AASDH: variants seen among roughly 807,000 people sequenced by gnomAD.
AASDH encodes aminoadipate-semialdehyde dehydrogenase, also known as beta-alanine-activating enzyme.
A neutral mutation model predicts 102.3 loss-of-function variants in AASDH; 81 were observed. The observed-to-expected ratio is 0.79, with a 90% CI of 0.66 to 0.95. The LOEUF (loss-of-function observed/expected upper bound fraction) is 0.95, where lower values mean the gene tolerates loss of function less well. Among genes scored for constraint, AASDH ranks in the 40% least tolerant of loss-of-function variants. AASDH has a pLI of 0.00. For missense variants in AASDH, 1,203 were observed against 1,266.2 expected (o/e 0.95, Z 0.76); for synonymous variants, 398 against 454.0 (o/e 0.88, Z 1.57).
Position 56,382,486 on chromosome 4 carries a change from T to G in AASDH, c.342A>C (p.Lys114Asn). 1.3e-6 allele frequency: 2 copies of G among 1,568,174 alleles called. No homozygotes were observed. The highest frequency in any genetic ancestry group is 1.1e-5 in the South Asian group (1 of 87,410). ...AAACATCCAGACTTACATTAATTTG[T>G]TTTTTTTCAACAAGGATATACTTTA... is the stretch of plus-strand genomic sequence containing the variant. ...CNLKYILVEK[K>N]QINKFKSFHE... The change falls in exon 3 of 15, where the codon AAA (lysine) becomes AAC (asparagine). Residue 114 changes from lysine to asparagine, a missense_variant. Coordinates refer to ENST00000205214, the MANE Select transcript of AASDH (RefSeq NM_181806.4).
chr4:56,378,890 T>A (rs58757171), intron 3 of AASDH, among the ~76,000 whole-genome samples: 2,326 of 150,498 alleles, frequency 0.015, 67 homozygotes, highest in African/African-American at 0.054. Context: ...TTTTTATTTA[T>A]TTTTTTTTTT....
intron 5 of AASDH, among the ~76,000 whole-genome samples, chr4:56,371,181 T>C (rs953352150): frequency 2.0e-5 from 3 of 152,158 alleles, no homozygotes; most frequent in Non-Finnish European, 4.4e-5. Context: ...CCTTCTCAAA[T>C]CCAACAAATC....
intron 10 of AASDH, 60 bp downstream of exon 10, chr4:56,351,282 G>T: frequency 1.9e-6 from 2 of 1,048,786 alleles, no homozygotes; most frequent in Non-Finnish European, 2.9e-6. Context: ...GATAATAGCA[G>T]TCCCTAAAGA....
At chr4:56,353,382 T>C (rs373982030) in intron 9 of AASDH, 22 bp downstream of exon 9, 3 of 1,560,134 alleles carry the variant, frequency 1.9e-6, no homozygotes, top group South Asian at 2.4e-5. Context: ...CACTGAAACA[T>C]ATCTGCTTTA....
rs762824509 is a variant in AASDH at position 56,338,463 on chromosome 4, A to G, written c.3236T>C (p.Ile1079Thr). 6.2e-7 allele frequency: 1 copy of G among 1,614,014 alleles called. No individual in the cohort carries two copies. Among genetic ancestry groups the G allele is most frequent in the South Asian group, 1.1e-5 (1 of 91,020 alleles). Residue 1079 changes from isoleucine (I) to threonine (T), a missense_variant, in exon 15 of 15, where the codon ATT becomes ACT. By Grantham distance (89) the Ile-to-Thr change is moderately conservative. Coordinates refer to ENST00000205214, the MANE Select transcript of AASDH (RefSeq NM_181806.4). ...SSPVVLESML[I>T]IGCRDNYVYC... ...AACATAATTATCTCTACACCCAATA[A>G]TGAGCATTGATTCCAGGACCACAGG...
chr4:56,373,164 A>C (rs1751945440), intron 4 of AASDH, among the ~76,000 whole-genome samples: 1 of 152,094 alleles, frequency 6.6e-6, no homozygotes, highest in African/African-American at 2.4e-5. Flanking sequence ...TTTTTGAGAA[A>C]AGTCTTGCTC....
At position 56,384,657 on chromosome 4, in the gene AASDH, T is replaced by TA. The variant is rs148288440; in HGVS notation, c.-42-317dup. Reference sequence around the variant, plus strand: ...GACCACAATGTAAATATGAAATATATAAAAAATTAATCAATAAAATCAAAT... The same window carrying TA: ...GACCACAATGTAAATATGAAATATATAAAAAAATTAATCAATAAAATCAAAT... On this transcript the variant is annotated intron_variant, in intron 1 of 14. Coordinates refer to ENST00000205214, the MANE Select transcript of AASDH (RefSeq NM_181806.4). Among the ~76,000 whole-genome samples, 292 of 152,176 alleles carry TA rather than the reference T, an allele frequency of 1.9e-3. 2 individuals are homozygous for TA. The highest frequency in any genetic ancestry group is 6.6e-3 in the African/African-American group (274 of 41,510).
At chr4:56,359,016 C>T (rs550386805) in intron 5 of AASDH, among the ~76,000 whole-genome samples, 2 of 151,970 alleles carry the variant, frequency 1.3e-5, no homozygotes, top group African/African-American at 4.8e-5. Context: ...ACTGTTACAT[C>T]TTATTGATAT....
intron 11 of AASDH, 83 bp from the exon 12 acceptor site, chr4:56,345,373 T>C (rs1748213035): frequency 2.3e-6 from 3 of 1,323,022 alleles, no homozygotes; most frequent in Non-Finnish European, 3.1e-6. Flanking sequence ...GCAATTTATA[T>C]TCAGTCCTCC....
chr4:56,382,187 GTGGAGAGCCC>G (rs1375072945), intron 3 of AASDH: 1 of 298,014 alleles, frequency 3.4e-6, no homozygotes, highest in Non-Finnish European at 6.2e-6. Context: ...AGTGTGAGGG[GTGGAGAGCCC>G]CTCTGGGGGA....
intron 11 of AASDH, among the ~76,000 whole-genome samples, chr4:56,348,665 A>G (rs887032901): frequency 5.9e-5 from 9 of 152,080 alleles, no homozygotes; most frequent in Non-Finnish European, 7.4e-5. Context: ...CTCCTGGATC[A>G]CTCTGAGGAA....
At position 56,338,802 on chromosome 4, in the gene AASDH, TAATAAA is replaced by T; in HGVS notation, c.2908-17_2908-12del. The T allele has an allele frequency of 1.2e-6, 2 of 1,606,896 alleles. No individual in the cohort carries two copies. The highest frequency in any genetic ancestry group is 1.7e-6 in the Non-Finnish European group (2 of 1,176,368). On this transcript the variant is annotated splice_polypyrimidine_tract_variant and intron_variant, in intron 14 of 14. Coordinates refer to ENST00000205214, the MANE Select transcript of AASDH (RefSeq NM_181806.4). ...AGAGAACTGCCAAACCTATAACAAG[TAATAAA>T]AATAAATATAATTCATTCATCTAAT...
In AASDH at chr4:56,338,540, CTG is replaced by C. The variant is rs772350486; in HGVS notation, c.3157_3158del (p.Gln1053GlufsTer9). On this transcript the variant is annotated frameshift_variant, in exon 15 of 15. Coordinates refer to ENST00000205214, the MANE Select transcript of AASDH (RefSeq NM_181806.4). LOFTEE classifies it high-confidence loss of function. ...TDGKVWILESQSGQLQSVYEL... is the reference protein window; with the variant it reads ...TDGKVWILESXSGQLQSVYEL... ...CATAAACACTTTGCAATTGTCCACTCTGAGATTCCAAGATCCACACTTTCCCA... is the reference window on the plus strand; with the variant it reads ...CATAAACACTTTGCAATTGTCCACTCAGATTCCAAGATCCACACTTTCCCA... 3.1e-6 allele frequency: 5 copies of C among 1,612,904 alleles called. No homozygotes were observed. Among genetic ancestry groups the C allele is most frequent in the Non-Finnish European group, 4.2e-6 (5 of 1,179,684 alleles).
chr4:56,356,776 G>A, intron 5 of AASDH: 1 of 731,370 alleles, frequency 1.4e-6, no homozygotes, highest in South Asian at 1.4e-5. Flanking sequence ...AGGCGTTTTG[G>A]CTAAGCTAGT....
At chr4:56,363,715 C>T (rs1340275277) in intron 5 of AASDH, among the ~76,000 whole-genome samples, 1 of 152,110 alleles carries the variant, frequency 6.6e-6, no homozygotes, top group Non-Finnish European at 1.5e-5. Context: ...ACCAGAAACC[C>T]ATCTGTACGT....
chr4:56,382,407 A>G, intron 3 of AASDH, 70 bp downstream of exon 3: 4 of 1,399,192 alleles, frequency 2.9e-6, no homozygotes, highest in Middle Eastern at 4.9e-4. Context: ...TCCAGATGGG[A>G]GAAGGAAGGA....
chr4:56,379,596 TACTA>T (rs1030074442), intron 3 of AASDH, among the ~76,000 whole-genome samples: 70 of 152,182 alleles, frequency 4.6e-4, no homozygotes, highest in Admixed American at 4.3e-3. Flanking sequence ...GTGCTGTCCT[TACTA>T]ACTTATTTTC....
chr4:56,343,445 G>A, intron 13 of AASDH, 117 bp downstream of exon 13: 1 of 629,840 alleles, frequency 1.6e-6, no homozygotes, highest in Non-Finnish European at 2.6e-6. Flanking sequence ...ATTCCAGTTT[G>A]GTGTATGTGG....
At position 56,338,407 on chromosome 4, in the gene AASDH, T is replaced by TTTGA. The variant is rs748580196; in HGVS notation, c.3288_3291dup (p.Lys1098SerfsTer?). On this transcript the variant is annotated frameshift_variant, in exon 15 of 15. Transcript: ENST00000205214. LOFTEE classifies it high-confidence loss of function. The stretch of plus-strand genomic sequence containing the variant: ...CAAATAAGGACTGTATTTGATTATT[T>TTTGA]TTGATTGCCACCCAATAAATCCAGA... 4.3e-6 allele frequency: 7 copies of TTTGA among 1,613,202 alleles called. No homozygotes were observed. In the South Asian group the frequency reaches 4.4e-5, roughly 10 times the overall value.
Sources: gnomAD v4.1 joint callset for allele counts (sites outside exome capture counted in the v4.1 genomes callset) on GRCh38, gnomAD v4.1.1 for gene constraint, MANE v1.5 for transcripts, NCBI Gene and HGNC (gene_info 2026-07-23, HGNC 2026-07-21) for gene names.